KCND3: variants seen among roughly 807,000 people sequenced by gnomAD.
KCND3 encodes potassium voltage-gated channel subfamily D member 3.
A neutral mutation model predicts 51.1 loss-of-function variants in KCND3; 9 were observed. The observed-to-expected ratio is 0.18, with a 90% CI of 0.11 to 0.31. The LOEUF (loss-of-function observed/expected upper bound fraction) is 0.31, where lower values mean the gene tolerates loss of function less well. Ranked by LOEUF, KCND3 falls within the 10% of genes least tolerant of loss-of-function variation. The probability of loss-of-function intolerance (pLI) is 1.00; values close to 1 mark genes in which losing one functional copy is unlikely to be tolerated. For missense variants in KCND3, 526 were observed against 903.8 expected (o/e 0.58, Z 5.36); for synonymous variants, 349 against 368.0 (o/e 0.95, Z 0.59).
chr1:111,862,943 C>T (rs139168283), intron 2 of KCND3, among the ~76,000 whole-genome samples: 15 of 152,326 alleles, frequency 9.8e-5, no homozygotes, highest in Non-Finnish European at 1.3e-4. Flanking sequence ...ATGGGCAATA[C>T]GTGACCGTTC....
chr1:111,949,792 C>T (rs953180291), intron 2 of KCND3, among the ~76,000 whole-genome samples: 6 of 151,952 alleles, frequency 3.9e-5, no homozygotes, highest in Non-Finnish European at 8.8e-5. Context: ...TTCTTGATTC[C>T]CAAGGATGGG....
chr1:111,911,666 T>C (rs185659410), intron 2 of KCND3, among the ~76,000 whole-genome samples: 8 of 152,354 alleles, frequency 5.3e-5, no homozygotes, highest in East Asian at 1.9e-4. Context: ...TTAATCTCTC[T>C]GTGCCCCAGT....
chr1:111,793,537 A>G (rs1571646409), intron 2 of KCND3, among the ~76,000 whole-genome samples: 2 of 152,172 alleles, frequency 1.3e-5, no homozygotes, highest in African/African-American at 4.8e-5. Context: ...AAGCACTTCA[A>G]TAAATGTTTG....
rs932837804 is a variant in KCND3, at chr1:111,775,806, C to T, written c.*271G>A. On this transcript the variant is annotated 3_prime_UTR_variant, in exon 8 of 8. Transcript: ENST00000302127. ...GTCCTGGCACATAGCCTATATCCCC[C>T]GGCCTATCCCCGACCCCCCCACCCT... The T allele has an allele frequency of 6.1e-5, 23 of 377,368 alleles. No individual in the cohort carries two copies. The highest frequency in any genetic ancestry group is 9.2e-4 in the Middle Eastern group (1 of 1,088). 23.4% of individuals were successfully genotyped at this position (377,368 alleles called of 1,614,324 possible). A position where few individuals can be genotyped will look rare whatever the true frequency, so the allele number is the denominator to read the frequency against.
chr1:111,913,818 C>T (rs2101821159), intron 2 of KCND3, among the ~76,000 whole-genome samples: 1 of 152,190 alleles, frequency 6.6e-6, no homozygotes, highest in African/African-American at 2.4e-5. Flanking sequence ...ACTATTTAAG[C>T]CTGGGAGGTC....
At chr1:111,798,052 C>T (rs971421272) in intron 2 of KCND3, among the ~76,000 whole-genome samples, 4 of 152,134 alleles carry the variant, frequency 2.6e-5, no homozygotes, top group Admixed American at 6.5e-5. Context: ...TGTACCTATT[C>T]GTCCTTTTCT....
chr1:111,813,302 G>A (rs897672590), intron 2 of KCND3, among the ~76,000 whole-genome samples: 1 of 152,156 alleles, frequency 6.6e-6, no homozygotes, highest in African/African-American at 2.4e-5. Flanking sequence ...TCAAATTAAT[G>A]CACGATCCAA....
chr1:111,936,503 G>A (rs1407877140), intron 2 of KCND3, among the ~76,000 whole-genome samples: 2 of 152,344 alleles, frequency 1.3e-5, no homozygotes, highest in South Asian at 4.1e-4. Flanking sequence ...AACAGTAAGA[G>A]CAAAGGGTGC....
At chr1:111,915,920 T>C (rs1671195192) in intron 2 of KCND3, among the ~76,000 whole-genome samples, 1 of 150,054 alleles carries the variant, frequency 6.7e-6, no homozygotes, top group Non-Finnish European at 1.5e-5. Flanking sequence ...GACCTCAAAA[T>C]ACATGAAGCA....
chr1:111,780,600 G>A lies in KCND3; in HGVS notation c.1371+90C>T. On this transcript the variant is annotated intron_variant, in intron 4 of 7. Transcript: ENST00000302127. The surrounding 1 kb of genome is among the most constrained non-coding windows in gnomAD (Gnocchi z 4.2). ...TGTCCTCCTTGGGGTTCATACTGGG[G>A]CTCTGGTGAGAGTGCTGGTGTCCCG... 8.6e-7 allele frequency: 1 copy of A among 1,156,428 alleles called. No individual in the cohort carries two copies. The highest frequency in any genetic ancestry group is 1.3e-6 in the Non-Finnish European group (1 of 787,334). The allele number at this position is 1,156,428 out of a possible 1,614,324, so 71.6% of individuals were successfully genotyped here.
In KCND3 at chr1:111,775,904, G is replaced by A. The variant is rs1664084326; in HGVS notation, c.*173C>T. On this transcript the variant is annotated 3_prime_UTR_variant, in exon 8 of 8. Transcript: ENST00000302127. ...TCCACGCTAGCAGCGTGAACCTCAGGTGCCCCTTTGCTACCTCTTTTTCCT... is the reference window on the plus strand; with the variant it reads ...TCCACGCTAGCAGCGTGAACCTCAGATGCCCCTTTGCTACCTCTTTTTCCT... 1 of 614,800 alleles carries A rather than the reference G, an allele frequency of 1.6e-6. No individual in the cohort carries two copies. The highest frequency in any genetic ancestry group is 1.6e-5 in the South Asian group (1 of 63,984). The allele number at this position is 614,800 out of a possible 1,614,324, so 38.1% of individuals were successfully genotyped here. A position where few individuals can be genotyped will look rare whatever the true frequency, so the allele number is the denominator to read the frequency against.
intron 2 of KCND3, among the ~76,000 whole-genome samples, chr1:111,789,193 G>T (rs1664728793): frequency 6.6e-6 from 1 of 152,224 alleles, no homozygotes; most frequent in African/African-American, 2.4e-5. Context: ...AAGGACAACA[G>T]AAAGATTGCT....
chr1:111,808,636 T>C (rs992860359), intron 2 of KCND3, among the ~76,000 whole-genome samples: 13 of 152,214 alleles, frequency 8.5e-5, no homozygotes, highest in African/African-American at 2.4e-5. Context: ...ACAGGGAGCA[T>C]GCACAAGCCC....
chr1:111,890,329 T>C (rs181480408), intron 2 of KCND3, among the ~76,000 whole-genome samples: 60 of 152,198 alleles, frequency 3.9e-4, no homozygotes, highest in African/African-American at 1.4e-3. Context: ...TCTTGAGAGG[T>C]TGGATATGGG....
intron 2 of KCND3, among the ~76,000 whole-genome samples, chr1:111,943,868 A>G (rs1209842756): frequency 6.6e-6 from 1 of 152,246 alleles, no homozygotes; most frequent in African/African-American, 2.4e-5. Context: ...TGGCATGGCC[A>G]GGACCCAAAT....
At chr1:111,925,861 G>C (rs1400996200) in intron 2 of KCND3, among the ~76,000 whole-genome samples, 1 of 151,936 alleles carries the variant, frequency 6.6e-6, no homozygotes, top group African/African-American at 2.4e-5. Context: ...GGGCTTCCAG[G>C]GACTGTGCAC....
At chr1:111,900,595 A>T (rs1670337575) in intron 2 of KCND3, among the ~76,000 whole-genome samples, 1 of 152,214 alleles carries the variant, frequency 6.6e-6, no homozygotes, top group South Asian at 2.1e-4. Context: ...TGAGGAAAAT[A>T]AAACTGTGTT....
intron 2 of KCND3, among the ~76,000 whole-genome samples, chr1:111,819,665 C>CT: frequency 6.6e-6 from 1 of 152,282 alleles, no homozygotes; most frequent in Admixed American, 6.5e-5. Flanking sequence ...GAAGATCCCC[C>CT]TCTGCACCTG....
intron 6 of KCND3, among the ~76,000 whole-genome samples, chr1:111,777,833 C>A (rs1168326727): frequency 6.6e-6 from 1 of 152,064 alleles, no homozygotes; most frequent in Non-Finnish European, 1.5e-5. Context: ...ATTTTTTTCC[C>A]CACCTGATTA....
Sources: allele counts gnomAD v4.1 joint callset (sites outside exome capture counted in the v4.1 genomes callset), GRCh38; gene constraint gnomAD v4.1.1; non-coding constraint Gnocchi (gnomAD v3.1); transcripts MANE v1.5; gene names NCBI Gene and HGNC (gene_info 2026-07-23, HGNC 2026-07-21).